Variants in ULK4 observed in about 807,000 individuals in gnomAD.
ULK4 encodes the protein inactive serine/threonine-protein kinase ULK4.
Under a neutral mutation model 160.6 loss-of-function variants are expected in ULK4, and 133 were observed. The ratio of observed to expected loss-of-function variants is 0.83; its 90% CI spans 0.72 to 0.96. ULK4 has a LOEUF of 0.96. Ranked by LOEUF, ULK4 falls within the 40% of genes least tolerant of loss-of-function variation. The pLI is 0.00. For missense variants in ULK4, 1,580 were observed against 1,499.5 expected (o/e 1.05, Z -0.89); for synonymous variants, 534 against 539.8 (o/e 0.99, Z 0.15).
intron 22 of ULK4, among the ~76,000 whole-genome samples, chr3:41,727,352 G>A (rs2037687254): frequency 6.6e-6 from 1 of 152,232 alleles, no homozygotes; most frequent in Non-Finnish European, 1.5e-5. Flanking sequence ...AACCTATGGA[G>A]TGTATATTCA....
At chr3:41,940,468 A>T (rs1699915410) in intron 2 of ULK4, among the ~76,000 whole-genome samples, 1 of 152,130 alleles carries the variant, frequency 6.6e-6, no homozygotes, top group Non-Finnish European at 1.5e-5. Flanking sequence ...ACAAGCCTGG[A>T]CAATATAGTA....
At chr3:41,877,699 G>C (rs1697359870) in intron 17 of ULK4, among the ~76,000 whole-genome samples, 1 of 151,974 alleles carries the variant, frequency 6.6e-6, no homozygotes, top group Non-Finnish European at 1.5e-5. Flanking sequence ...ATCTGAATTG[G>C]AGCCAGGCGT....
chr3:41,726,254 A>G (rs1380289861), intron 22 of ULK4, among the ~76,000 whole-genome samples: 1 of 152,188 alleles, frequency 6.6e-6, no homozygotes, highest in Non-Finnish European at 1.5e-5. Context: ...ATCTGCTGGG[A>G]GAAATAAAAA....
At chr3:41,636,495 C>T (rs1329605644) in intron 30 of ULK4, among the ~76,000 whole-genome samples, 1 of 150,686 alleles carries the variant, frequency 6.6e-6, no homozygotes, top group East Asian at 1.9e-4. Context: ...GATCCTGCCA[C>T]TGCACTCTAG....
At position 41,463,225 on chromosome 3, in the gene ULK4, GAGC is replaced by G; in HGVS notation, c.3252_3254del (p.Leu1085del). Reference sequence around the variant, plus strand: ...CCAAGCACAGTGTGGCAGTTTCAGTGAGCAGGTTACAGATGTGACTGACAAGTC... The same window carrying G: ...CCAAGCACAGTGTGGCAGTTTCAGTGAGGTTACAGATGTGACTGACAAGTC... On this transcript the variant is annotated inframe_deletion, in exon 33 of 37. Coordinates refer to ENST00000301831, the MANE Select transcript of ULK4 (RefSeq NM_017886.4). The G allele has an allele frequency of 6.2e-7, 1 of 1,613,566 alleles. No individual in the cohort carries two copies. The highest frequency in any genetic ancestry group is 8.5e-7 in the Non-Finnish European group (1 of 1,179,674).
chr3:41,358,233 A>G (rs1339524960), intron 35 of ULK4, among the ~76,000 whole-genome samples: 1 of 152,222 alleles, frequency 6.6e-6, no homozygotes, highest in Non-Finnish European at 1.5e-5. Flanking sequence ...CTTTACAAAA[A>G]CTACTCATTT....
chr3:41,877,938 G>A (rs186363339), intron 17 of ULK4, among the ~76,000 whole-genome samples: 49 of 152,134 alleles, frequency 3.2e-4, no homozygotes, highest in Admixed American at 2.0e-4. Context: ...CCGAGATCGC[G>A]CCGTCGCACT....
intron 29 of ULK4, among the ~76,000 whole-genome samples, chr3:41,679,723 T>C (rs1421763270): frequency 6.6e-6 from 1 of 152,220 alleles, no homozygotes; most frequent in East Asian, 1.9e-4. Flanking sequence ...AAATGTGGTT[T>C]CAGATTAACA....
At chr3:41,564,427 A>G (rs1005328173) in intron 32 of ULK4, among the ~76,000 whole-genome samples, 1 of 147,920 alleles carries the variant, frequency 6.8e-6, no homozygotes, top group African/African-American at 2.5e-5. Flanking sequence ...GCTGTCAGAC[A>G]GGGACGTTTC....
chr3:41,389,499 G>A (rs975775376), intron 35 of ULK4, among the ~76,000 whole-genome samples: 2 of 152,144 alleles, frequency 1.3e-5, no homozygotes, highest in Admixed American at 1.3e-4. Context: ...CATGATATTG[G>A]CTGTGGGTTT....
intron 18 of ULK4, among the ~76,000 whole-genome samples, chr3:41,835,372 A>C (rs2041722979): frequency 6.6e-6 from 1 of 152,214 alleles, no homozygotes; most frequent in African/African-American, 2.4e-5. Context: ...GGAATATTAA[A>C]TTTTGGCTTG....
At chr3:41,672,382 A>T (rs917730167) in intron 29 of ULK4, among the ~76,000 whole-genome samples, 12 of 152,200 alleles carry the variant, frequency 7.9e-5, no homozygotes, top group African/African-American at 2.7e-4. Context: ...AAAAGAATGA[A>T]ATCATGTCAT....
chr3:41,419,618 C>T (rs1339643004), intron 34 of ULK4, among the ~76,000 whole-genome samples: 1 of 152,150 alleles, frequency 6.6e-6, no homozygotes, highest in Non-Finnish European at 1.5e-5. Context: ...CTCACCATTT[C>T]TACCACCAGC....
chr3:41,817,111 G>C (rs2040993982), intron 19 of ULK4, among the ~76,000 whole-genome samples: 1 of 151,948 alleles, frequency 6.6e-6, no homozygotes, highest in East Asian at 1.9e-4. Flanking sequence ...TGTGCAATGA[G>C]GCATATTTCA....
chr3:41,281,798 C>T (rs542886434), intron 35 of ULK4, among the ~76,000 whole-genome samples: 1 of 152,162 alleles, frequency 6.6e-6, no homozygotes, highest in Admixed American at 6.5e-5. Flanking sequence ...AAGTTCTGGC[C>T]AGGGAAATCA....
At chr3:41,918,909 A>G (rs773478995) in intron 6 of ULK4, among the ~76,000 whole-genome samples, 33 of 152,024 alleles carry the variant, frequency 2.2e-4, no homozygotes, top group Non-Finnish European at 4.3e-4. Context: ...CCTTGCTATC[A>G]CCAATAATTC....
At position 41,918,759 on chromosome 3, in the gene ULK4, G is replaced by A. The variant is rs189265409; in HGVS notation, c.644-219C>T. On this transcript the variant is annotated intron_variant, in intron 6 of 36. Coordinates refer to ENST00000301831, the MANE Select transcript of ULK4 (RefSeq NM_017886.4). ...TGGGACCACAGGCGCACGCTGCCAC[G>A]CCCAGCTAATTTTTTGTATTTTTAG... 7.3e-4 allele frequency among the ~76,000 whole-genome samples: 111 copies of A among 151,930 alleles called. No homozygotes were observed. The South Asian group carries it at 0.013, about 17-fold the overall frequency.
At chr3:41,713,129 T>TA (rs999517023) in intron 25 of ULK4, among the ~76,000 whole-genome samples, 3 of 150,906 alleles carry the variant, frequency 2.0e-5, no homozygotes, top group Non-Finnish European at 3.0e-5. Context: ...AGCCTTTGCC[T>TA]AAAAAAAAAT....
At chr3:41,678,255 G>A (rs761198790) in intron 29 of ULK4, among the ~76,000 whole-genome samples, 4 of 151,314 alleles carry the variant, frequency 2.6e-5, no homozygotes, top group Non-Finnish European at 1.5e-5. Flanking sequence ...TTTCTCTGGA[G>A]AGCCATCATA....
Sources: allele counts gnomAD v4.1 joint callset (sites outside exome capture counted in the v4.1 genomes callset), GRCh38; gene constraint gnomAD v4.1.1; transcripts MANE v1.5; gene names NCBI Gene and HGNC (gene_info 2026-07-23, HGNC 2026-07-21).